SPAG16: variants seen among roughly 807,000 people sequenced by gnomAD.
SPAG16 encodes the protein sperm associated antigen 16, also known as sperm-associated antigen 16 protein.
SPAG16 carries 86 observed loss-of-function variants against 80.4 expected under a neutral mutation model. That is an observed-to-expected ratio of 1.07 (90% CI 0.90 to 1.28). The LOEUF is 1.28. Ranked by LOEUF, SPAG16 falls within the 50% of genes most tolerant of loss-of-function variation. The probability of loss-of-function intolerance (pLI) is 0.00; values close to 1 mark genes in which losing one functional copy is unlikely to be tolerated. For missense variants in SPAG16, 870 were observed against 765.3 expected, an observed-to-expected ratio of 1.14 and a Z score of -1.61; for synonymous variants, 294 against 265.9, an observed-to-expected ratio of 1.11 and a Z score of -1.03.
chr2:213,835,943 T>C (rs1015878822), intron 10 of SPAG16, among the ~76,000 whole-genome samples: 6 of 152,180 alleles, frequency 3.9e-5, no homozygotes, highest in Admixed American at 2.6e-4. Flanking sequence ...TAAAGGAAAT[T>C]GAACCTATAC....
At chr2:213,836,723 T>C (rs1216947768) in intron 10 of SPAG16, among the ~76,000 whole-genome samples, 5 of 152,180 alleles carry the variant, frequency 3.3e-5, no homozygotes, top group Non-Finnish European at 4.4e-5. Flanking sequence ...GCAATTCTCC[T>C]GCCTCAGCAC....
intron 10 of SPAG16, among the ~76,000 whole-genome samples, chr2:213,720,757 T>C (rs1273361108): frequency 1.4e-5 from 2 of 141,718 alleles, no homozygotes; most frequent in East Asian, 4.2e-4. Flanking sequence ...TTTTTTTTTT[T>C]TTTTTTGAGA....
intron 11 of SPAG16, among the ~76,000 whole-genome samples, chr2:213,921,549 A>G (rs983146672): frequency 6.6e-6 from 1 of 152,152 alleles, no homozygotes; most frequent in Non-Finnish European, 1.5e-5. Flanking sequence ...TACTATTCAT[A>G]TGTACGAATT....
chr2:214,131,540 A>G (rs2054779223), intron 14 of SPAG16, among the ~76,000 whole-genome samples: 1 of 152,178 alleles, frequency 6.6e-6, no homozygotes, highest in Non-Finnish European at 1.5e-5. Context: ...AACTGTGAAA[A>G]CTTGGAAGCA....
intron 10 of SPAG16, among the ~76,000 whole-genome samples, chr2:213,729,414 A>G (rs573014155): frequency 9.2e-5 from 14 of 152,304 alleles, no homozygotes; most frequent in African/African-American, 2.6e-4. Flanking sequence ...TAAAATGTAC[A>G]TATAAGCACT....
chr2:213,396,538 A>G, intron 9 of SPAG16: 2 of 367,078 alleles, frequency 5.4e-6, no homozygotes, highest in Non-Finnish European at 1.1e-5. Flanking sequence ...GAGAAAGCTT[A>G]TGAGCTCAGT....
chr2:214,199,931 G>T lies in SPAG16; in HGVS notation c.1720+50665G>T, dbSNP rs532183274. ...ATTTTTGGTGTACAGCAGTGCTACT[G>T]ATTTGTGTACACTGATTTTGTATCC... On this transcript the variant is annotated intron_variant, in intron 15 of 15. Coordinates refer to ENST00000331683, the MANE Select transcript of SPAG16 (RefSeq NM_024532.5). Among the ~76,000 whole-genome samples, 98 of 152,266 alleles carry T rather than the reference G, an allele frequency of 6.4e-4. No homozygotes were observed. In the South Asian group the frequency reaches 7.5e-3, roughly 12 times the overall value.
intron 15 of SPAG16, among the ~76,000 whole-genome samples, chr2:214,350,490 T>C (rs1246874913): frequency 6.6e-6 from 1 of 152,218 alleles, no homozygotes; most frequent in African/African-American, 2.4e-5. Flanking sequence ...GTAGATAATA[T>C]ATCTTTTGAT....
At chr2:213,524,558 TGGAGCTGCCCAAGGCCA>T (rs2075810662) in intron 10 of SPAG16, among the ~76,000 whole-genome samples, 1 of 152,076 alleles carries the variant, frequency 6.6e-6, no homozygotes, top group Non-Finnish European at 1.5e-5. Flanking sequence ...GCCACAGGGG[TGGAGCTGCCCAAGGCCA>T]TGGGAGCCCA....
At chr2:213,410,700 C>T (rs35084540) in intron 9 of SPAG16, among the ~76,000 whole-genome samples, 115 of 152,296 alleles carry the variant, frequency 7.6e-4, no homozygotes, top group Non-Finnish European at 1.4e-3. Context: ...TCAAATATTC[C>T]GTCCACACAT....
At chr2:213,547,695 A>C (rs2076655342) in intron 10 of SPAG16, among the ~76,000 whole-genome samples, 1 of 152,202 alleles carries the variant, frequency 6.6e-6, no homozygotes, top group Non-Finnish European at 1.5e-5. Flanking sequence ...CATTGTCAGC[A>C]TGGTCCTGTC....
At chr2:214,162,370 C>T (rs2056474386) in intron 15 of SPAG16, among the ~76,000 whole-genome samples, 1 of 151,990 alleles carries the variant, frequency 6.6e-6, no homozygotes, top group Admixed American at 6.6e-5. Flanking sequence ...AGTTATAAAC[C>T]AAGTACAAAA....
At chr2:213,815,683 A>G (rs2072486132) in intron 10 of SPAG16, among the ~76,000 whole-genome samples, 1 of 151,986 alleles carries the variant, frequency 6.6e-6, no homozygotes, top group Admixed American at 6.6e-5. Context: ...TAACTACCAT[A>G]ATGGCACATG....
intron 12 of SPAG16, among the ~76,000 whole-genome samples, chr2:213,957,608 A>T (rs996607888): frequency 6.6e-6 from 1 of 152,132 alleles, no homozygotes; most frequent in Non-Finnish European, 1.5e-5. Context: ...ATTACTGATG[A>T]AGAAGCACTT....
intron 13 of SPAG16, among the ~76,000 whole-genome samples, chr2:214,034,524 A>C (rs1368399252): frequency 6.6e-6 from 1 of 152,198 alleles, no homozygotes; most frequent in East Asian, 1.9e-4. Flanking sequence ...CATGCCTGCC[A>C]AGGGCAAGTG....
At chr2:214,028,864 G>C (rs937106738) in intron 13 of SPAG16, among the ~76,000 whole-genome samples, 2 of 151,912 alleles carry the variant, frequency 1.3e-5, no homozygotes, top group Non-Finnish European at 2.9e-5. Flanking sequence ...CTTTACTATT[G>C]AATGTAATAC....
chr2:213,653,660 A>G (rs1297501106), intron 10 of SPAG16, among the ~76,000 whole-genome samples: 2 of 152,220 alleles, frequency 1.3e-5, no homozygotes, highest in Non-Finnish European at 2.9e-5. Flanking sequence ...AAGAAAATAT[A>G]TCCATCTCTC....
chr2:214,259,782 A>G (rs1292180724), intron 15 of SPAG16, among the ~76,000 whole-genome samples: 3 of 152,118 alleles, frequency 2.0e-5, no homozygotes, highest in African/African-American at 4.8e-5. Context: ...CAAAAGCACA[A>G]TTCCCACAAT....
At chr2:214,379,779 G>T (rs1700344236) in intron 15 of SPAG16, among the ~76,000 whole-genome samples, 1 of 152,160 alleles carries the variant, frequency 6.6e-6, no homozygotes. Flanking sequence ...GGGTAATTTG[G>T]CTTGCCAGGT....
Sources: gnomAD v4.1 joint callset for allele counts (sites outside exome capture counted in the v4.1 genomes callset) on GRCh38, gnomAD v4.1.1 for gene constraint, MANE v1.5 for transcripts, NCBI Gene and HGNC (gene_info 2026-07-23, HGNC 2026-07-21) for gene names.